PRKD1: variants seen among roughly 807,000 people sequenced by gnomAD.
PRKD1 encodes the protein protein kinase D1.
In PRKD1, 63 loss-of-function variants were observed where a neutral mutation model predicts 95.9. The ratio of observed to expected loss-of-function variants is 0.66; its 90% CI spans 0.54 to 0.81. The LOEUF (loss-of-function observed/expected upper bound fraction) is 0.81, where lower values mean the gene tolerates loss of function less well. Ranked by LOEUF, PRKD1 falls within the 30% of genes least tolerant of loss-of-function variation. The pLI, the probability that PRKD1 is intolerant of heterozygous loss-of-function variation, is 0.00. For synonymous variants in PRKD1, 425 were observed against 423.1 expected (o/e 1.00, Z -0.05); for missense variants, 1,048 against 1,165.3 (o/e 0.90, Z 1.47).
intron 12 of PRKD1, 26 bp downstream of exon 12, chr14:29,626,458 T>G: frequency 6.3e-7 from 1 of 1,580,256 alleles, no homozygotes; most frequent in Middle Eastern, 1.7e-4. Flanking sequence ...TTTAAGTTCA[T>G]AAAAATACTC....
chr14:29,738,832 CTTTTTTT>C (rs71443330), intron 1 of PRKD1, among the ~76,000 whole-genome samples: 2,595 of 137,472 alleles, frequency 0.019, 96 homozygotes, highest in Admixed American at 0.093. Context: ...TTTCTTTTTT[CTTTTTTT>C]TTTTTTGGAG....
At chr14:29,586,651 G>GT (rs1318212885) in intron 16 of PRKD1, among the ~76,000 whole-genome samples, 2 of 151,760 alleles carry the variant, frequency 1.3e-5, no homozygotes, top group Non-Finnish European at 2.9e-5. Flanking sequence ...TTTTTTGTTT[G>GT]TTTTTTTGAG....
intron 1 of PRKD1, among the ~76,000 whole-genome samples, chr14:29,770,793 C>T (rs779325070): frequency 1.3e-5 from 2 of 151,712 alleles, no homozygotes; most frequent in Non-Finnish European, 2.9e-5. Context: ...ACAGTGAGAC[C>T]TTGTCTCTAC....
At chr14:29,921,659 A>G (rs1206777464) in intron 1 of PRKD1, among the ~76,000 whole-genome samples, 2 of 152,204 alleles carry the variant, frequency 1.3e-5, no homozygotes, top group Admixed American at 6.5e-5. Flanking sequence ...CATCTCACAA[A>G]AAAAGGTAAT....
intron 16 of PRKD1, among the ~76,000 whole-genome samples, chr14:29,588,745 G>C (rs1272539139): frequency 2.0e-5 from 3 of 151,778 alleles, no homozygotes; most frequent in Non-Finnish European, 2.9e-5. Context: ...TTATCAGATT[G>C]TGATGCACTA....
At chr14:29,717,038 T>C (rs1010117014) in intron 2 of PRKD1, among the ~76,000 whole-genome samples, 2 of 152,192 alleles carry the variant, frequency 1.3e-5, no homozygotes, top group African/African-American at 2.4e-5. Flanking sequence ...ATTTTACTAA[T>C]AGATTATGTC....
At chr14:29,673,362 C>T (rs574592200) in intron 2 of PRKD1, among the ~76,000 whole-genome samples, 28 of 152,272 alleles carry the variant, frequency 1.8e-4, no homozygotes, top group African/African-American at 5.8e-4. Flanking sequence ...TCTAAGAATG[C>T]GTCACCGTCT....
intron 1 of PRKD1, among the ~76,000 whole-genome samples, chr14:29,809,576 CTTCT>C (rs1460138308): frequency 6.6e-6 from 1 of 152,208 alleles, no homozygotes; most frequent in African/African-American, 2.4e-5. Flanking sequence ...ATGGTGATGG[CTTCT>C]TTCTTTAAAC....
intron 13 of PRKD1, among the ~76,000 whole-genome samples, chr14:29,608,927 T>C (rs185405211): frequency 2.0e-4 from 30 of 152,312 alleles, no homozygotes; most frequent in African/African-American, 6.7e-4. Flanking sequence ...GAAATTCACA[T>C]TGATATTAAC....
chr14:29,902,844 A>C (rs200010108), intron 1 of PRKD1, among the ~76,000 whole-genome samples: 2 of 18 alleles, frequency 0.11, no homozygotes, highest in Admixed American at 0.5. Context: ...AAGGAAAAAT[A>C]AAAAAAAAAT....
At chr14:29,864,956 G>A (rs1594586796) in intron 1 of PRKD1, among the ~76,000 whole-genome samples, 1 of 152,102 alleles carries the variant, frequency 6.6e-6, no homozygotes, top group East Asian at 1.9e-4. Context: ...CCAAATAGCT[G>A]TTCTTTAATG....
chr14:29,859,616 A>AC (rs1360445938), intron 1 of PRKD1, among the ~76,000 whole-genome samples: 3 of 152,122 alleles, frequency 2.0e-5, no homozygotes, highest in Non-Finnish European at 4.4e-5. Flanking sequence ...TCAAAAAAAA[A>AC]AAAAAAATCT....
chr14:29,882,751 GT>G (rs1210889954), intron 1 of PRKD1, among the ~76,000 whole-genome samples: 4 of 152,182 alleles, frequency 2.6e-5, no homozygotes, highest in Non-Finnish European at 5.9e-5. Context: ...GAGAGTATTT[GT>G]TTTTTTGTGA....
At chr14:29,714,529 C>T (rs561421098) in intron 2 of PRKD1, among the ~76,000 whole-genome samples, 11 of 152,108 alleles carry the variant, frequency 7.2e-5, no homozygotes, top group Non-Finnish European at 1.5e-4. Context: ...ATTAGTTCAA[C>T]GATTGTGGAA....
chr14:29,916,624 G>C (rs1003781876), intron 1 of PRKD1, among the ~76,000 whole-genome samples: 1 of 151,566 alleles, frequency 6.6e-6, no homozygotes, highest in Non-Finnish European at 1.5e-5. Flanking sequence ...CTAAATAACT[G>C]CGACTCTTGG....
At chr14:29,679,672 A>C (rs1333457337) in intron 2 of PRKD1, among the ~76,000 whole-genome samples, 2 of 152,160 alleles carry the variant, frequency 1.3e-5, no homozygotes, top group African/African-American at 4.8e-5. Flanking sequence ...CAGGCAAAGA[A>C]AAGGGAGGGT....
intron 1 of PRKD1, among the ~76,000 whole-genome samples, chr14:29,873,073 CT>C (rs1188261493): frequency 1.3e-5 from 2 of 151,954 alleles, no homozygotes; most frequent in Admixed American, 6.6e-5. Context: ...GCCTATACTA[CT>C]TTTTTTTATT....
chr14:29,693,732 T>C (rs1241158175), intron 2 of PRKD1, among the ~76,000 whole-genome samples: 2 of 151,884 alleles, frequency 1.3e-5, no homozygotes, highest in East Asian at 3.9e-4. Context: ...CCATATTATC[T>C]TGTAAGAAGA....
intron 1 of PRKD1, among the ~76,000 whole-genome samples, chr14:29,923,432 T>C (rs1895193733): frequency 1.3e-5 from 2 of 152,166 alleles, no homozygotes; most frequent in African/African-American, 4.8e-5. Context: ...ACTTTCGGCT[T>C]TCTCAATCTA....
Sources: allele counts gnomAD v4.1 joint callset (sites outside exome capture counted in the v4.1 genomes callset), GRCh38; gene constraint gnomAD v4.1.1; transcripts MANE v1.5; gene names NCBI Gene and HGNC (gene_info 2026-07-23, HGNC 2026-07-21).